Variants in DPYD observed in about 807,000 individuals in gnomAD.
DPYD encodes the protein dihydropyrimidine dehydrogenase [NADP(+)].
Under a neutral mutation model 116.2 loss-of-function variants are expected in DPYD, and 109 were observed. The ratio of observed to expected loss-of-function variants is 0.94; its 90% confidence interval spans 0.80 to 1.10. The LOEUF is 1.10. DPYD is among the 50% of genes least tolerant of loss of function. The probability of loss-of-function intolerance (pLI) is 0.00; values close to 1 mark genes in which losing one functional copy is unlikely to be tolerated. For synonymous variants in DPYD, 440 were observed against 432.0 expected (o/e 1.02, Z -0.23); for missense variants, 1,302 against 1,254.5 (o/e 1.04, Z -0.57).
intron 18 of DPYD, among the ~76,000 whole-genome samples, chr1:97,290,397 A>T (rs936143591): frequency 1.2e-4 from 19 of 152,184 alleles, no homozygotes; most frequent in Non-Finnish European, 2.8e-4. Flanking sequence ...AAGCCAAAAC[A>T]ACAAAGCTGG....
In DPYD at chr1:97,573,871, G is replaced by A. The variant is rs528430685; in HGVS notation, c.1228C>T (p.Arg410Trp). ...GGRIVAMQFV[R>W]TEQDETGKWN... ...TTTCCAGTTTCATCTTGCTCTGTCC[G>A]AACAAACTGCATAGCAACAATTCTC... is the stretch of plus-strand genomic sequence containing the variant. Residue 410 changes from arginine to tryptophan, a missense_variant, in exon 11 of 23, where the codon CGG becomes TGG. Physicochemically the swap from Arg to Trp is moderately radical, Grantham distance 101. Coordinates refer to ENST00000370192, the MANE Select transcript of DPYD (RefSeq NM_000110.4). The A allele has an allele frequency of 1.6e-5, 26 of 1,613,550 alleles. No individual in the cohort carries two copies. The South Asian group carries it at 1.8e-4, about 11-fold the overall frequency.
At chr1:97,799,723 T>G (rs1667756812) in intron 3 of DPYD, among the ~76,000 whole-genome samples, 2 of 151,996 alleles carry the variant, frequency 1.3e-5, no homozygotes, top group Non-Finnish European at 2.9e-5. Context: ...AAAACTTTTT[T>G]TTGTCTCAAA....
At chr1:97,629,996 G>C (rs1249775103) in intron 8 of DPYD, among the ~76,000 whole-genome samples, 2 of 151,826 alleles carry the variant, frequency 1.3e-5, no homozygotes, top group Admixed American at 6.6e-5. Context: ...TTTCCACTCA[G>C]TCTTATTGTC....
intron 1 of DPYD, among the ~76,000 whole-genome samples, chr1:97,906,730 T>A (rs953090659): frequency 1.3e-5 from 2 of 152,092 alleles, no homozygotes; most frequent in African/African-American, 4.8e-5. Context: ...TCTCATGAAC[T>A]GTAACTTTTA....
intron 3 of DPYD, among the ~76,000 whole-genome samples, chr1:97,802,609 T>C (rs538780250): frequency 6.6e-6 from 1 of 152,028 alleles, no homozygotes; most frequent in Non-Finnish European, 1.5e-5. Flanking sequence ...ACTATATCTT[T>C]TCAAGATTCA....
chr1:97,241,829 G>C lies in DPYD; in HGVS notation c.2300-6835C>G, dbSNP rs531167371. Among the ~76,000 whole-genome samples the C allele has an allele frequency of 9.2e-5, 14 of 151,886 alleles. No homozygotes were observed. The South Asian group carries it at 2.9e-3, about 31-fold the overall frequency. On this transcript the variant is annotated intron_variant, in intron 18 of 22. Transcript: ENST00000370192. ...CAACTCATGGGAAAGACTTGGCACA[G>C]TGCCTAGCTTATAATGTGTATAAGC... is the stretch of plus-strand genomic sequence containing the variant.
intron 20 of DPYD, among the ~76,000 whole-genome samples, chr1:97,145,404 C>G (rs1320959475): frequency 6.6e-6 from 1 of 152,076 alleles, no homozygotes; most frequent in African/African-American, 2.4e-5. Flanking sequence ...ATGACAGCAG[C>G]CTCTTTGTTG....
In DPYD at chr1:97,476,670, G is replaced by T. The variant is rs931809883; in HGVS notation, c.1741-26447C>A. On this transcript the variant is annotated intron_variant, in intron 13 of 22. Transcript: ENST00000370192. ...TTCTAGGAATTTATTTCATAAATAA[G>T]TCATAGAACGTATAAAGATATGTGC... Among the ~76,000 whole-genome samples the T allele has an allele frequency of 1.2e-4, 18 of 151,942 alleles. No homozygotes were observed. In the South Asian group the frequency reaches 1.2e-3, roughly 11 times the overall value.
chr1:97,506,908 C>T (rs913125765), intron 13 of DPYD, among the ~76,000 whole-genome samples: 8 of 151,922 alleles, frequency 5.3e-5, no homozygotes, highest in African/African-American at 1.4e-4. Context: ...GGTATGATTG[C>T]GAACAGAGAC....
chr1:97,562,444 T>C (rs1305595924), intron 11 of DPYD, among the ~76,000 whole-genome samples: 1 of 152,072 alleles, frequency 6.6e-6, no homozygotes, highest in Non-Finnish European at 1.5e-5. Context: ...ATGGAAAAAA[T>C]GGTCAGGTAA....
chr1:97,706,728 A>G (rs745652184), intron 5 of DPYD, among the ~76,000 whole-genome samples: 1 of 152,048 alleles, frequency 6.6e-6, no homozygotes, highest in Non-Finnish European at 1.5e-5. Flanking sequence ...TAATATTGCA[A>G]TATCTGTATG....
intron 12 of DPYD, among the ~76,000 whole-genome samples, chr1:97,540,014 A>G (rs943125177): frequency 1.3e-5 from 2 of 152,094 alleles, no homozygotes; most frequent in Non-Finnish European, 2.9e-5. Flanking sequence ...AAATCTCACA[A>G]CACGCTTCTG....
chr1:97,841,285 T>C (rs1285028642), intron 2 of DPYD, among the ~76,000 whole-genome samples: 1 of 152,072 alleles, frequency 6.6e-6, no homozygotes, highest in Non-Finnish European at 1.5e-5. Flanking sequence ...CTCATCATTA[T>C]TCCCTGAACT....
rs185631205 is a variant in DPYD, at chr1:97,353,440, T to G, written c.2058+20121A>C. ...TAACTCTCAAGACACCTCGGTGGGG[T>G]TTTTTCCCCCTTTTAAAGCCTTTCC... On this transcript the variant is annotated intron_variant, in intron 16 of 22. Transcript: ENST00000370192. 1.8e-3 allele frequency among the ~76,000 whole-genome samples: 278 copies of G among 151,220 alleles called. 1 individual carries two copies. The highest frequency in any genetic ancestry group is 5.4e-3 in the African/African-American group (224 of 41,242).
At chr1:97,614,750 C>A (rs551700056) in intron 8 of DPYD, among the ~76,000 whole-genome samples, 1 of 152,218 alleles carries the variant, frequency 6.6e-6, no homozygotes, top group South Asian at 2.1e-4. Context: ...TTTAATGTTA[C>A]AGGTTGAAGA....
chr1:97,652,211 C>A (rs947194687), intron 8 of DPYD, among the ~76,000 whole-genome samples: 37 of 152,132 alleles, frequency 2.4e-4, no homozygotes, highest in African/African-American at 8.4e-4. Flanking sequence ...ACAGATGCTG[C>A]AAAAGAGAAT....
intron 8 of DPYD, among the ~76,000 whole-genome samples, chr1:97,617,936 T>C (rs1175795274): frequency 6.6e-6 from 1 of 152,170 alleles, no homozygotes. Flanking sequence ...TGCCTTCTCT[T>C]TTAAAACTCT....
intron 13 of DPYD, among the ~76,000 whole-genome samples, chr1:97,487,517 CA>C (rs1472624616): frequency 1.3e-5 from 2 of 151,864 alleles, no homozygotes; most frequent in African/African-American, 4.8e-5. Context: ...ACTAAAAATA[CA>C]AAAAATTAGC....
intron 2 of DPYD, among the ~76,000 whole-genome samples, chr1:97,862,531 C>T (rs1393536691): frequency 6.6e-6 from 1 of 151,904 alleles, no homozygotes; most frequent in Non-Finnish European, 1.5e-5. Flanking sequence ...ACAACTCTTA[C>T]TTCTCCCTAT....
Sources: gnomAD v4.1 joint callset for allele counts (sites outside exome capture counted in the v4.1 genomes callset) on GRCh38, gnomAD v4.1.1 for gene constraint, MANE v1.5 for transcripts, NCBI Gene and HGNC (gene_info 2026-07-23, HGNC 2026-07-21) for gene names.